CSMD3: variants seen among roughly 807,000 people sequenced by gnomAD.
CSMD3 encodes the protein CUB and sushi domain-containing protein 3.
CSMD3 carries 177 observed loss-of-function variants against 435.2 expected under a neutral mutation model. That is an observed-to-expected ratio of 0.41 (90% confidence interval 0.36 to 0.46). CSMD3 has a LOEUF of 0.46. Ranked by LOEUF, CSMD3 falls within the 20% of genes least tolerant of loss-of-function variation. CSMD3 has a pLI of 0.34. For missense variants in CSMD3, 4,265 were observed against 4,504.6 expected (o/e 0.95, Z 1.52); for synonymous variants, 1,656 against 1,520.5 (o/e 1.09, Z -2.07).
At chr8:112,261,281 T>C (rs552420972) in intron 61 of CSMD3, among the ~76,000 whole-genome samples, 2 of 152,126 alleles carry the variant, frequency 1.3e-5, no homozygotes, top group Non-Finnish European at 2.9e-5. Flanking sequence ...AACATATATC[T>C]GTTTCATTTT....
intron 10 of CSMD3, among the ~76,000 whole-genome samples, chr8:112,917,325 AT>A (rs2082603453): frequency 6.6e-6 from 1 of 151,944 alleles, no homozygotes; most frequent in African/African-American, 2.4e-5. Context: ...TTGTAAAGTA[AT>A]TTTGAAGATG....
intron 13 of CSMD3, among the ~76,000 whole-genome samples, chr8:112,769,776 A>AT (rs1374940832): frequency 6.6e-6 from 1 of 151,956 alleles, no homozygotes; most frequent in African/African-American, 2.4e-5. Flanking sequence ...CAGAGTTATA[A>AT]TTAAAAATCC....
intron 28 of CSMD3, among the ~76,000 whole-genome samples, chr8:112,514,145 A>G (rs1368830019): frequency 6.6e-6 from 1 of 152,088 alleles, no homozygotes; most frequent in African/African-American, 2.4e-5. Context: ...CTCCCATCTT[A>G]GCCTCCTGAG....
At chr8:112,878,832 T>C (rs1411423276) in intron 10 of CSMD3, among the ~76,000 whole-genome samples, 2 of 152,016 alleles carry the variant, frequency 1.3e-5, no homozygotes, top group African/African-American at 4.8e-5. Context: ...AGAACAGAAA[T>C]TGTGAAGATT....
At chr8:112,336,976 T>C in intron 43 of CSMD3, 147 bp from the exon 44 acceptor site, 1 of 703,628 alleles carries the variant, frequency 1.4e-6, no homozygotes, top group Non-Finnish European at 2.5e-6. Context: ...TATAATGAAG[T>C]TGGCAACAGT....
intron 27 of CSMD3, among the ~76,000 whole-genome samples, chr8:112,518,313 C>T (rs961160999): frequency 2.0e-5 from 3 of 150,574 alleles, no homozygotes; most frequent in African/African-American, 7.3e-5. Context: ...CCAGCCTGGG[C>T]AACTAAGTGA....
At chr8:112,829,903 ACACACACACACAC>A (rs2079815828) in intron 11 of CSMD3, 114 bp from the exon 12 acceptor site, 2 of 636,128 alleles carry the variant, frequency 3.1e-6, no homozygotes, top group African/African-American at 4.1e-5. Flanking sequence ...ACACACACAC[ACACACACACACAC>A]ACACACACAC....
At chr8:112,838,801 T>C (rs1007101497) in intron 11 of CSMD3, among the ~76,000 whole-genome samples, 4 of 151,726 alleles carry the variant, frequency 2.6e-5, no homozygotes, top group African/African-American at 7.2e-5. Context: ...AAAATTCATG[T>C]TAATGATGTT....
chr8:113,005,628 T>C (rs1354048063), intron 6 of CSMD3, among the ~76,000 whole-genome samples: 2 of 152,028 alleles, frequency 1.3e-5, no homozygotes, highest in Non-Finnish European at 2.9e-5. Context: ...ATAATGACAA[T>C]GTAATCCATC....
intron 13 of CSMD3, among the ~76,000 whole-genome samples, chr8:112,696,825 A>G (rs1016908723): frequency 1.3e-5 from 2 of 152,020 alleles, no homozygotes; most frequent in African/African-American, 4.8e-5. Flanking sequence ...CAATCTACTC[A>G]TCTGACAAAG....
At chr8:112,970,474 CA>C (rs1355909538) in intron 7 of CSMD3, among the ~76,000 whole-genome samples, 2 of 148,516 alleles carry the variant, frequency 1.3e-5, no homozygotes, top group Non-Finnish European at 3.0e-5. Context: ...GATGAATTTA[CA>C]AATGTCACTA....
chr8:112,766,700 A>C (rs189636942), intron 13 of CSMD3, among the ~76,000 whole-genome samples: 22 of 151,794 alleles, frequency 1.4e-4, no homozygotes, highest in Non-Finnish European at 2.5e-4. Context: ...AGAAAGGCTG[A>C]TTTCCTTTGA....
At chr8:113,287,452 A>C (rs547499952) in intron 2 of CSMD3, among the ~76,000 whole-genome samples, 1 of 152,068 alleles carries the variant, frequency 6.6e-6, no homozygotes, top group Non-Finnish European at 1.5e-5. Flanking sequence ...CAGCACAATA[A>C]TTCATGGTTA....
chr8:112,263,069 TG>T (rs1479318561), intron 61 of CSMD3, among the ~76,000 whole-genome samples: 2 of 152,018 alleles, frequency 1.3e-5, no homozygotes, highest in Non-Finnish European at 2.9e-5. Context: ...GAGTTTGTTT[TG>T]TTTTGTGTTC....
chr8:112,975,962 A>G lies in CSMD3; in HGVS notation c.1217T>C (p.Leu406Pro), dbSNP rs1377012777. Residue 406 changes from leucine to proline, a missense_variant, in exon 7 of 71, where the codon CTG (leucine) becomes CCG (proline). Leu to Pro is a moderately conservative substitution (Grantham distance 98, BLOSUM62 -3). Coordinates refer to ENST00000297405, the MANE Select transcript of CSMD3 (RefSeq NM_198123.2). ...VQVTSLRNSG[L>P]DPNTSKDGLS... ...CCCGTCCTTGGACGTGTTGGGGTCCAGACCTGAATTTCTGAGACTCGTAAC... is the reference window on the plus strand; with the variant it reads ...CCCGTCCTTGGACGTGTTGGGGTCCGGACCTGAATTTCTGAGACTCGTAAC... 7 of 1,614,052 alleles carry G rather than the reference A, an allele frequency of 4.3e-6. No homozygotes were observed. Among genetic ancestry groups the G allele is most frequent in the Non-Finnish European group, 5.1e-6 (6 of 1,179,964 alleles).
chr8:112,245,710 T>C (rs1482221558), intron 64 of CSMD3, among the ~76,000 whole-genome samples: 1 of 152,124 alleles, frequency 6.6e-6, no homozygotes, highest in African/African-American at 2.4e-5. Context: ...GCTAATTTTT[T>C]ATATTTTTAA....
chr8:112,394,771 C>A (rs561031629), intron 35 of CSMD3, among the ~76,000 whole-genome samples: 4 of 152,242 alleles, frequency 2.6e-5, no homozygotes, highest in African/African-American at 9.6e-5. Flanking sequence ...GAATATATTT[C>A]TTGATGACTT....
intron 45 of CSMD3, among the ~76,000 whole-genome samples, chr8:112,322,920 A>G (rs528774820): frequency 4.6e-5 from 7 of 152,194 alleles, no homozygotes; most frequent in East Asian, 1.9e-4. Flanking sequence ...TTCAACTAAT[A>G]TTTGCTAATA....
intron 5 of CSMD3, among the ~76,000 whole-genome samples, chr8:113,071,140 C>T (rs958501026): frequency 6.6e-6 from 1 of 151,748 alleles, no homozygotes; most frequent in Non-Finnish European, 1.5e-5. Context: ...TCTGTTCAAG[C>T]GTTTTGCCCA....
Sources: allele counts gnomAD v4.1 joint callset (sites outside exome capture counted in the v4.1 genomes callset), GRCh38; gene constraint gnomAD v4.1.1; transcripts MANE v1.5; gene names NCBI Gene and HGNC (gene_info 2026-07-23, HGNC 2026-07-21).